CACNA1A: variants seen among roughly 807,000 people sequenced by gnomAD.
CACNA1A encodes voltage-dependent P/Q-type calcium channel subunit alpha-1A.
A neutral mutation model predicts 262.4 loss-of-function variants in CACNA1A; 57 were observed. That is an observed-to-expected ratio of 0.22 (90% confidence interval 0.18 to 0.27). The LOEUF is 0.27. CACNA1A is among the 10% of genes least tolerant of loss of function. The pLI, the probability that CACNA1A is intolerant of heterozygous loss-of-function variation, is 1.00. For missense variants in CACNA1A, 2,526 were observed against 3,562.8 expected, an observed-to-expected ratio of 0.71 and a Z score of 7.41; for synonymous variants, 1,431 against 1,419.3, an observed-to-expected ratio of 1.01 and a Z score of -0.18.
chr19:13,454,057 A>G (rs1369042129), intron 2 of CACNA1A, among the ~76,000 whole-genome samples: 1 of 151,802 alleles, frequency 6.6e-6, no homozygotes, highest in Admixed American at 6.6e-5. Flanking sequence ...TTTGCAGGCT[A>G]AGGATTGACT....
intron 19 of CACNA1A, among the ~76,000 whole-genome samples, chr19:13,293,131 G>C (rs1295779409): frequency 6.6e-6 from 1 of 152,058 alleles, no homozygotes; most frequent in African/African-American, 2.4e-5. Flanking sequence ...ATTGATGAGA[G>C]TATTACTAAC....
At position 13,253,135 on chromosome 19, in the gene CACNA1A, C is replaced by T. The variant is rs199708937; in HGVS notation, c.4756-34G>A. The T allele has an allele frequency of 4.1e-4, 575 of 1,398,434 alleles. 3 individuals are homozygous for T. Among genetic ancestry groups the T allele is most frequent in the Middle Eastern group, 1.1e-3 (6 of 5,622 alleles). 86.6% of individuals were successfully genotyped at this position (1,398,434 alleles called of 1,614,324 possible). A position where few individuals can be genotyped will look rare whatever the true frequency, so the allele number is the denominator to read the frequency against. ...AAGAAGCAGGAGTAGCAGGGGTCAG[C>T]GAGCAGGGGTGGGAAGTGGGAAGTG... On this transcript the variant is annotated intron_variant, in intron 29 of 46. Transcript: ENST00000360228.
intron 3 of CACNA1A, among the ~76,000 whole-genome samples, chr19:13,449,437 A>T (rs1419082349): frequency 6.6e-6 from 1 of 152,156 alleles, no homozygotes; most frequent in Admixed American, 6.5e-5. Flanking sequence ...AGCTGGGACC[A>T]CAGGAGCACA....
chr19:13,487,346 C>A (rs1019368987), intron 1 of CACNA1A, among the ~76,000 whole-genome samples: 2 of 152,042 alleles, frequency 1.3e-5, no homozygotes, highest in Non-Finnish European at 2.9e-5. Context: ...AGAGGAAGAC[C>A]CAGAAATGCA....
intron 3 of CACNA1A, among the ~76,000 whole-genome samples, chr19:13,436,502 T>C (rs963833247): frequency 2.6e-5 from 4 of 152,184 alleles, no homozygotes; most frequent in Non-Finnish European, 5.9e-5. Context: ...TATGAATTCA[T>C]TCATTAATTC....
At chr19:13,254,016 G>A (rs1359360736) in intron 29 of CACNA1A, among the ~76,000 whole-genome samples, 1 of 152,208 alleles carries the variant, frequency 6.6e-6, no homozygotes, top group Non-Finnish European at 1.5e-5. Flanking sequence ...TGGGATTACA[G>A]GTGTGAGCCA....
At chr19:13,432,103 C>CAAAAAAAA (rs71170513) in intron 3 of CACNA1A, among the ~76,000 whole-genome samples, 17 of 64,392 alleles carry the variant, frequency 2.6e-4, no homozygotes, top group African/African-American at 9.9e-4. Context: ...GACTCCGTCT[C>CAAAAAAAA]AAAAAAAAAA....
At chr19:13,412,469 CT>C (rs914499263) in intron 3 of CACNA1A, among the ~76,000 whole-genome samples, 5 of 150,390 alleles carry the variant, frequency 3.3e-5, no homozygotes, top group Admixed American at 6.6e-5. Context: ...TATAACCTTT[CT>C]TTTTTTTCTT....
intron 1 of CACNA1A, among the ~76,000 whole-genome samples, chr19:13,467,515 C>T (rs2061270029): frequency 1.3e-5 from 2 of 152,046 alleles, no homozygotes; most frequent in Admixed American, 1.3e-4. Flanking sequence ...CACCATACAT[C>T]CTTGTGCACT....
In CACNA1A at chr19:13,359,813, G is replaced by T. The variant is rs2059070444; in HGVS notation, c.785-14C>A. 1 of 1,490,806 alleles carries T rather than the reference G, an allele frequency of 6.7e-7. No homozygotes were observed. The highest frequency in any genetic ancestry group is 9.0e-7 in the Non-Finnish European group (1 of 1,112,042). The allele number at this position is 1,490,806 out of a possible 1,614,324, so 92.3% of individuals were successfully genotyped here. A position where few individuals can be genotyped will look rare whatever the true frequency, so the allele number is the denominator to read the frequency against. The stretch of plus-strand genomic sequence containing the variant: ...CCTGAATGTCATCTACAAAAGGGAA[G>T]GGGAGAAAAGTCAGGGGAAGGAGCA... On this transcript the variant is annotated splice_polypyrimidine_tract_variant and intron_variant, in intron 5 of 46. Coordinates refer to ENST00000360228, the MANE Select transcript of CACNA1A (RefSeq NM_001127222.2).
chr19:13,267,258 A>AAAAAG, intron 24 of CACNA1A, among the ~76,000 whole-genome samples: 1 of 152,246 alleles, frequency 6.6e-6, no homozygotes. Context: ...AGAACACAGA[A>AAAAAG]CACGCACGTA....
At position 13,207,214 on chromosome 19, in the gene CACNA1A, G is replaced by C. The variant is rs2054599044; in HGVS notation, c.*99C>G. The C allele has an allele frequency of 7.0e-6, 9 of 1,284,608 alleles. No homozygotes were observed. The highest frequency in any genetic ancestry group is 5.4e-4 in the Middle Eastern group (2 of 3,724). 79.6% of individuals were successfully genotyped at this position (1,284,608 alleles called of 1,614,324 possible). ...GGTCTCCCGGCTGGCCCTCTCCCGG[G>C]CCCTCTGTGCTGGGCCCCCGCGGCC... On this transcript the variant is annotated 3_prime_UTR_variant, in exon 47 of 47. Coordinates refer to ENST00000360228, the MANE Select transcript of CACNA1A (RefSeq NM_001127222.2). This position sits in a 1 kb window ranked among gnomAD's most constrained non-coding sequence, Gnocchi z 5.7.
intron 10 of CACNA1A, among the ~76,000 whole-genome samples, chr19:13,321,376 C>T (rs933305796): frequency 4.6e-5 from 7 of 152,032 alleles, no homozygotes; most frequent in East Asian, 1.9e-4. Context: ...GGTATGTCAC[C>T]GCCAAGGATT....
At chr19:13,418,547 T>C (rs986219259) in intron 3 of CACNA1A, among the ~76,000 whole-genome samples, 2 of 152,082 alleles carry the variant, frequency 1.3e-5, no homozygotes, top group African/African-American at 4.8e-5. Context: ...AATGCAGTCA[T>C]ATGTATCCTT....
chr19:13,357,030 T>C (rs1160128957), intron 6 of CACNA1A, among the ~76,000 whole-genome samples: 3 of 152,198 alleles, frequency 2.0e-5, no homozygotes, highest in Admixed American at 6.5e-5. Context: ...AGAAATCGTA[T>C]GTTGTCTATG....
At chr19:13,293,413 T>G (rs901047212) in intron 19 of CACNA1A, among the ~76,000 whole-genome samples, 6 of 149,374 alleles carry the variant, frequency 4.0e-5, no homozygotes, top group Admixed American at 6.7e-5. Flanking sequence ...ACTCAAAGCA[T>G]TTTACACGTA....
rs540110690 is a variant in CACNA1A, at chr19:13,311,988, A to G, written c.1668+681T>C. Among the ~76,000 whole-genome samples, 193 of 152,322 alleles carry G rather than the reference A, an allele frequency of 1.3e-3. 1 individual carries two copies. Among genetic ancestry groups the G allele is most frequent in the Non-Finnish European group, 2.1e-3 (146 of 68,032 alleles). ...CAACCTTAATTTCACTTCCAGCTGCAGGGACATTCTGGCCTGTGTCTCCTA... is the reference window on the plus strand; with the variant it reads ...CAACCTTAATTTCACTTCCAGCTGCGGGGACATTCTGGCCTGTGTCTCCTA... On this transcript the variant is annotated intron_variant, in intron 12 of 46. Coordinates refer to ENST00000360228, the MANE Select transcript of CACNA1A (RefSeq NM_001127222.2).
chr19:13,299,118 G>T lies in CACNA1A; in HGVS notation c.2515C>A (p.Arg839=), dbSNP rs1363229294. The change falls in exon 19 of 47, where the codon CGG becomes AGG. Residue 839 remains arginine, a synonymous_variant. Coordinates refer to ENST00000360228, the MANE Select transcript of CACNA1A (RefSeq NM_001127222.2). ...TGGTCCACGGTGGGCTCGGCCGCCC[G>T]GCTCTTGTTGGTGTTGTTGTTGCGG... ...ENRNNNTNKS[R]AAEPTVDQRL... 1 of 1,612,742 alleles carries T rather than the reference G, an allele frequency of 6.2e-7. No homozygotes were observed.
rs1225863143 is a variant in CACNA1A, at chr19:13,241,862, A to T, written c.4950+3320T>A. On this transcript the variant is annotated intron_variant, in intron 31 of 46. Transcript: ENST00000360228. This position sits in a 1 kb window ranked among gnomAD's most constrained non-coding sequence, Gnocchi z 4.0. ...TCATTATCCATTGCACACAGGGCAA[A>T]CCCACATCACCCCAGCCACTTGGGG... Among the ~76,000 whole-genome samples, 1 of 152,178 alleles carries T rather than the reference A, an allele frequency of 6.6e-6. No individual in the cohort carries two copies. Among genetic ancestry groups the T allele is most frequent in the East Asian group, 1.9e-4 (1 of 5,190 alleles).
Sources: allele counts gnomAD v4.1 joint callset (sites outside exome capture counted in the v4.1 genomes callset), GRCh38; gene constraint gnomAD v4.1.1; non-coding constraint Gnocchi (gnomAD v3.1); transcripts MANE v1.5; gene names NCBI Gene and HGNC (gene_info 2026-07-23, HGNC 2026-07-21).